CSRNP3: variants seen among roughly 807,000 people sequenced by gnomAD.
CSRNP3 encodes the protein cysteine/serine-rich nuclear protein 3.
A neutral mutation model predicts 48.0 loss-of-function variants in CSRNP3; 12 were observed. The ratio of observed to expected loss-of-function variants is 0.25; its 90% CI spans 0.16 to 0.41. CSRNP3 has a LOEUF of 0.41. Ranked by LOEUF, CSRNP3 falls within the 10% of genes least tolerant of loss-of-function variation. CSRNP3 has a pLI of 1.00. For missense variants in CSRNP3, 580 were observed against 724.4 expected (o/e 0.80, Z 2.29); for synonymous variants, 263 against 269.7 (o/e 0.98, Z 0.24).
chr2:165,515,802 T>C (rs972675022), intron 2 of CSRNP3, among the ~76,000 whole-genome samples: 4 of 30,894 alleles, frequency 1.3e-4, no homozygotes, highest in Admixed American at 4.3e-4. Context: ...TTTTCCTTTC[T>C]TTTTTTTTTT....
intron 2 of CSRNP3, among the ~76,000 whole-genome samples, chr2:165,505,709 T>C (rs1327602433): frequency 6.6e-6 from 1 of 152,174 alleles, no homozygotes; most frequent in Admixed American, 6.5e-5. Context: ...ATTTAAATTA[T>C]TTATTTAAGA....
At chr2:165,547,724 T>A (rs531139936) in intron 3 of CSRNP3, among the ~76,000 whole-genome samples, 68 of 152,186 alleles carry the variant, frequency 4.5e-4, no homozygotes, top group African/African-American at 1.6e-3. Context: ...AAACTGGAAA[T>A]AATTTCTTTT....
chr2:165,483,191 A>G (rs1046796072), intron 1 of CSRNP3, among the ~76,000 whole-genome samples: 2 of 152,060 alleles, frequency 1.3e-5, no homozygotes, highest in Non-Finnish European at 2.9e-5. Context: ...TAAAATCTCA[A>G]CCATTGGATA....
At chr2:165,495,300 C>T (rs896655499) in intron 2 of CSRNP3, among the ~76,000 whole-genome samples, 2 of 151,992 alleles carry the variant, frequency 1.3e-5, no homozygotes, top group African/African-American at 4.8e-5. Context: ...CTGAGTGTAA[C>T]ACATTTACTT....
intron 3 of CSRNP3, among the ~76,000 whole-genome samples, chr2:165,538,124 T>G (rs1471380442): frequency 6.6e-6 from 1 of 151,954 alleles, no homozygotes; most frequent in Non-Finnish European, 1.5e-5. Flanking sequence ...GTGGCTACAA[T>G]TCCTTAAAGA....
At chr2:165,633,780 T>G (rs1007010852) in intron 4 of CSRNP3, among the ~76,000 whole-genome samples, 1 of 152,200 alleles carries the variant, frequency 6.6e-6, no homozygotes, top group African/African-American at 2.4e-5. Context: ...AACTAGTTAC[T>G]AAAATATAGA....
At chr2:165,650,157 A>G (rs997404049) in intron 4 of CSRNP3, among the ~76,000 whole-genome samples, 5 of 152,182 alleles carry the variant, frequency 3.3e-5, no homozygotes, top group Admixed American at 1.3e-4. Flanking sequence ...TTTTCCACTT[A>G]AACAATGTAT....
intron 4 of CSRNP3, among the ~76,000 whole-genome samples, chr2:165,635,493 T>C (rs1303008605): frequency 6.6e-6 from 1 of 152,178 alleles, no homozygotes; most frequent in African/African-American, 2.4e-5. Flanking sequence ...GGTGCTTTAA[T>C]AGAGGTTAGC....
chr2:165,673,484 A>G (rs1328334778), intron 5 of CSRNP3, among the ~76,000 whole-genome samples: 1 of 152,114 alleles, frequency 6.6e-6, no homozygotes, highest in East Asian at 1.9e-4. Flanking sequence ...CCTTATTCTA[A>G]TTTTAGTATG....
At position 165,673,155 on chromosome 2, in the gene CSRNP3, T is replaced by TTTTTTTTC. The variant is rs367832445; in HGVS notation, c.409-3157_409-3156insTTTTTTTC. Among the ~76,000 whole-genome samples, 111 of 144,096 alleles carry TTTTTTTTC rather than the reference T, an allele frequency of 7.7e-4. 4 individuals carry two copies. The highest frequency in any genetic ancestry group is 2.9e-3 in the African/African-American group (107 of 37,534). 94.5% of individuals were successfully genotyped at this position (144,096 alleles called of 152,430 possible). A position where few individuals can be genotyped will look rare whatever the true frequency, so the allele number is the denominator to read the frequency against. Reference sequence around the variant, plus strand: ...TCTTTTTTTTTTTTTTTTTTTTTTTTGAGACAGGGCATCACTCTGTCACTC... The same window carrying TTTTTTTTC: ...TCTTTTTTTTTTTTTTTTTTTTTTTTTTTTTTTCGAGACAGGGCATCACTCTGTCACTC... On this transcript the variant is annotated intron_variant, in intron 5 of 6. Transcript: ENST00000651982.
intron 1 of CSRNP3, 38 bp from the exon 2 acceptor site, chr2:165,494,721 A>G (rs974020883): frequency 5.8e-6 from 1 of 172,588 alleles, no homozygotes; most frequent in Non-Finnish European, 1.4e-5. Flanking sequence ...TCAGCAGCCA[A>G]ATATTTCAAT....
chr2:165,511,119 A>G (rs1245388784), intron 2 of CSRNP3, among the ~76,000 whole-genome samples: 3 of 152,210 alleles, frequency 2.0e-5, no homozygotes, highest in Non-Finnish European at 4.4e-5. Context: ...GAGGAAGATA[A>G]TGACAGAACT....
At chr2:165,518,981 A>G (rs1437317920) in intron 3 of CSRNP3, among the ~76,000 whole-genome samples, 1 of 152,090 alleles carries the variant, frequency 6.6e-6, no homozygotes. Flanking sequence ...AAATTTTATA[A>G]GGGCATGTAA....
intron 3 of CSRNP3, among the ~76,000 whole-genome samples, chr2:165,527,215 T>C (rs1329461695): frequency 3.4e-5 from 5 of 145,300 alleles, no homozygotes; most frequent in Non-Finnish European, 6.0e-5. Context: ...TTTTTTTTTT[T>C]TTTTTTTTTG....
At chr2:165,560,378 G>T (rs1037262470) in intron 3 of CSRNP3, among the ~76,000 whole-genome samples, 2 of 152,174 alleles carry the variant, frequency 1.3e-5, no homozygotes, top group African/African-American at 4.8e-5. Context: ...TGTAGGAAGA[G>T]AATTGATTAG....
At chr2:165,583,746 T>G (rs62176867) in intron 3 of CSRNP3, among the ~76,000 whole-genome samples, 58,133 of 151,600 alleles carry the variant, frequency 0.38, 11,234 homozygotes, top group South Asian at 0.48. Context: ...TAAATAATAA[T>G]AAGAAGAAGT....
At chr2:165,530,596 A>G (rs959478166) in intron 3 of CSRNP3, among the ~76,000 whole-genome samples, 6 of 152,088 alleles carry the variant, frequency 3.9e-5, no homozygotes. Context: ...TCCTCTCCTA[A>G]TTAGTTTTTT....
intron 4 of CSRNP3, among the ~76,000 whole-genome samples, chr2:165,633,295 T>A (rs1686569289): frequency 6.6e-6 from 1 of 152,224 alleles, no homozygotes; most frequent in Non-Finnish European, 1.5e-5. Flanking sequence ...GGCATAAGGA[T>A]CACTAAAGTC....
At chr2:165,594,856 CAT>C in intron 3 of CSRNP3, among the ~76,000 whole-genome samples, 185 bp from the exon 4 acceptor site, 1 of 152,078 alleles carries the variant, frequency 6.6e-6, no homozygotes. Flanking sequence ...GTTAAATACT[CAT>C]ATTTAATTTA....
Sources: allele counts gnomAD v4.1 joint callset (sites outside exome capture counted in the v4.1 genomes callset), GRCh38; gene constraint gnomAD v4.1.1; transcripts MANE v1.5; gene names NCBI Gene and HGNC (gene_info 2026-07-23, HGNC 2026-07-21).